Variants in PARP4 observed in about 807,000 individuals in gnomAD.
PARP4 encodes poly(ADP-ribose) polymerase family member 4, also known as protein mono-ADP-ribosyltransferase PARP4.
In PARP4, 120 loss-of-function variants were observed where a neutral mutation model predicts 187.7. That is an observed-to-expected ratio of 0.64 (90% CI 0.55 to 0.74). The LOEUF (loss-of-function observed/expected upper bound fraction) is 0.74, where lower values mean the gene tolerates loss of function less well. PARP4 is among the 30% of genes least tolerant of loss of function. The pLI, the probability that PARP4 is intolerant of heterozygous loss-of-function variation, is 0.00. For missense variants in PARP4, 1,836 were observed against 2,070.5 expected (o/e 0.89, Z 2.20); for synonymous variants, 654 against 740.9 (o/e 0.88, Z 1.90).
At position 24,485,339 on chromosome 13, in the gene PARP4, A is replaced by G. The variant is rs1873494994; in HGVS notation, c.1353-591T>C. On this transcript the variant is annotated intron_variant, in intron 11 of 33. Coordinates refer to ENST00000381989, the MANE Select transcript of PARP4 (RefSeq NM_006437.4). ...CTGGTAATTTCAAAATATAAAAAAA[A>G]TATGTTGTAGAATCAGCTTTTCACT... Among the ~76,000 whole-genome samples the G allele has an allele frequency of 2.0e-5, 3 of 152,170 alleles. No homozygotes were observed. In the South Asian group the frequency reaches 6.2e-4, roughly 31 times the overall value.
At chr13:24,455,495 ATATATATATAT>A (rs1565999135) in intron 21 of PARP4, among the ~76,000 whole-genome samples, 4 of 139,370 alleles carry the variant, frequency 2.9e-5, no homozygotes, top group Middle Eastern at 7.4e-3. Context: ...ATATATATAT[ATATATATATAT>A]CACACTATTC....
intron 10 of PARP4, among the ~76,000 whole-genome samples, chr13:24,490,310 A>G (rs1294438185): frequency 6.6e-6 from 1 of 152,228 alleles, no homozygotes; most frequent in Non-Finnish European, 1.5e-5. Context: ...CATGCCACAG[A>G]GAGGCCACGT....
At chr13:24,491,256 G>A (rs1868631097) in intron 9 of PARP4, among the ~76,000 whole-genome samples, 2 of 152,030 alleles carry the variant, frequency 1.3e-5, no homozygotes, top group South Asian at 4.1e-4. Flanking sequence ...AAGTAACTGG[G>A]ATTACAGGTG....
chr13:24,462,542 A>G (rs183498426), intron 17 of PARP4, among the ~76,000 whole-genome samples: 8 of 152,340 alleles, frequency 5.3e-5, no homozygotes, highest in African/African-American at 1.7e-4. Flanking sequence ...ACATTTTTAA[A>G]AAGCAAGGAA....
At chr13:24,422,728 C>T (rs1398815704) in intron 33 of PARP4, among the ~76,000 whole-genome samples, 1 of 152,066 alleles carries the variant, frequency 6.6e-6, no homozygotes, top group Admixed American at 6.6e-5. Flanking sequence ...CCTGCCTCAG[C>T]CTCCTGTGTA....
chr13:24,506,874 GGA>G (rs1869721406), intron 1 of PARP4, among the ~76,000 whole-genome samples: 1 of 152,230 alleles, frequency 6.6e-6, no homozygotes, highest in East Asian at 1.9e-4. Flanking sequence ...CGCTCCTGCG[GGA>G]CGCTCGTGCT....
At chr13:24,482,772 T>C (rs1159548428) in intron 12 of PARP4, among the ~76,000 whole-genome samples, 1 of 152,214 alleles carries the variant, frequency 6.6e-6, no homozygotes, top group Admixed American at 6.5e-5. Flanking sequence ...ATTTGCTATA[T>C]TGCAGTAGTG....
chr13:24,426,178 TCAG>T (rs1284973913), intron 33 of PARP4, among the ~76,000 whole-genome samples: 2 of 152,132 alleles, frequency 1.3e-5, no homozygotes, highest in African/African-American at 2.4e-5. Flanking sequence ...GCACCCAGGA[TCAG>T]CAGACTGCAG....
At chr13:24,436,424 C>G (rs1020722243) in intron 30 of PARP4, among the ~76,000 whole-genome samples, 1 of 152,214 alleles carries the variant, frequency 6.6e-6, no homozygotes, top group Non-Finnish European at 1.5e-5. Flanking sequence ...TCGCCTCAGA[C>G]TCCCCAGTAG....
intron 17 of PARP4, among the ~76,000 whole-genome samples, chr13:24,463,990 CTA>C (rs1227416288): frequency 1.3e-5 from 2 of 152,036 alleles, no homozygotes; most frequent in African/African-American, 2.4e-5. Flanking sequence ...ACAAGCATTC[CTA>C]TACACCAACA....
rs558523353 is a variant in PARP4 at position 24,508,773 on chromosome 13, C to G, written c.-2+3933G>C. Among the ~76,000 whole-genome samples, 42 of 152,254 alleles carry G rather than the reference C, an allele frequency of 2.8e-4. 1 individual carries two copies. Among genetic ancestry groups the G allele is most frequent in the Non-Finnish European group, 5.9e-5 (4 of 68,014 alleles). ...AAGTGATCTGCACACCTTGGCCTCC[C>G]TAAGTGCTGGGATTACAGGCATGAG... On this transcript the variant is annotated intron_variant, in intron 1 of 33. Coordinates refer to ENST00000381989, the MANE Select transcript of PARP4 (RefSeq NM_006437.4).
At chr13:24,490,220 C>G (rs1368327172) in intron 10 of PARP4, among the ~76,000 whole-genome samples, 1 of 152,090 alleles carries the variant, frequency 6.6e-6, no homozygotes, top group East Asian at 1.9e-4. Flanking sequence ...GCGCAGGACC[C>G]TGGGTATGCA....
At chr13:24,483,002 A>G (rs115431660) in intron 12 of PARP4, among the ~76,000 whole-genome samples, 2,043 of 151,726 alleles carry the variant, frequency 0.013, 43 homozygotes, top group African/African-American at 0.046. Flanking sequence ...CTGTTACTAC[A>G]GTGCTCTTTT....
chr13:24,443,724 G>C lies in PARP4; in HGVS notation c.3373C>G (p.His1125Asp), dbSNP rs755232769. 1 of 1,612,376 alleles carries C rather than the reference G, an allele frequency of 6.2e-7. No individual in the cohort carries two copies. The highest frequency in any genetic ancestry group is 8.5e-7 in the Non-Finnish European group (1 of 1,178,592). Residue 1125 changes from histidine (H) to aspartate (D), a missense_variant, in exon 28 of 34, where the codon CAC (histidine) becomes GAC (aspartate). Physicochemically the swap from His to Asp is moderately conservative, Grantham distance 81 (BLOSUM62 -1). Coordinates refer to ENST00000381989, the MANE Select transcript of PARP4 (RefSeq NM_006437.4). ...ATTAGAGCTCGGGCTGCCAGCTTGTGGATCATCTGTGTTTAAGCAGCAAAG... is the reference window on the plus strand; with the variant it reads ...ATTAGAGCTCGGGCTGCCAGCTTGTCGATCATCTGTGTTTAAGCAGCAAAG... ...ELQKTTGTMI[H>D]KLAARALIRD...
At chr13:24,456,545 A>C in intron 20 of PARP4, 67 bp from the exon 21 acceptor site, 1 of 1,458,748 alleles carries the variant, frequency 6.9e-7, no homozygotes, top group Non-Finnish European at 9.3e-7. Context: ...GTCTGCACTT[A>C]CCTGTCATGG....
At chr13:24,503,889 T>A in intron 1 of PARP4, 112 bp from the exon 2 acceptor site, 6 of 863,188 alleles carry the variant, frequency 7.0e-6, no homozygotes, top group Non-Finnish European at 9.3e-6. Context: ...AAGAAAGATA[T>A]TGCAATCATG....
chr13:24,449,559 G>A (rs1367779514), intron 25 of PARP4, among the ~76,000 whole-genome samples, 159 bp downstream of exon 25: 4 of 152,174 alleles, frequency 2.6e-5, no homozygotes, highest in African/African-American at 7.2e-5. Context: ...CTGTGTTCCC[G>A]CTGGTGCAGT....
In PARP4 at chr13:24,494,706, G is replaced by A; in HGVS notation, c.608C>T (p.Ala203Val). 1 of 1,605,286 alleles carries A rather than the reference G, an allele frequency of 6.2e-7. No individual in the cohort carries two copies. Reference protein sequence around the residue: ...DDGMETRRQFAIKKTSEDASE... With the variant: ...DDGMETRRQFVIKKTSEDASE... ...TGCATCTTCAGAGGTTTTCTTTATA[G>A]CAAACTGTCTTCTAGTCTGTGAATT... Residue 203 changes from alanine (A) to valine (V), a missense_variant, in exon 7 of 34, where the codon GCT becomes GTT. Physicochemically the swap from Ala to Val is moderately conservative, Grantham distance 64 (BLOSUM62 0). Around this residue, in one of 8 missense-constraint regions of PARP4, gnomAD observed 1,147 missense variants for 1,214.2 expected, o/e 0.94. Coordinates refer to ENST00000381989, the MANE Select transcript of PARP4 (RefSeq NM_006437.4).
intron 33 of PARP4, among the ~76,000 whole-genome samples, chr13:24,426,230 C>A (rs1399500633): frequency 2.0e-5 from 3 of 152,056 alleles, no homozygotes; most frequent in Non-Finnish European, 2.9e-5. Flanking sequence ...GCGCCAGCCT[C>A]CAGCGGGAGC....
Sources: gnomAD v4.1 joint callset for allele counts (sites outside exome capture counted in the v4.1 genomes callset) on GRCh38, gnomAD v4.1.1 for gene constraint, gnomAD v4.1.1 regional missense constraint, MANE v1.5 for transcripts, NCBI Gene and HGNC (gene_info 2026-07-23, HGNC 2026-07-21) for gene names.